Variants in C4orf51 observed in about 807,000 individuals in gnomAD.
C4orf51 encodes chromosome 4 open reading frame 51, also known as uncharacterized protein C4orf51.
C4orf51 carries 25 observed loss-of-function variants against 25.2 expected under a neutral mutation model. The observed-to-expected ratio is 0.99, with a 90% CI of 0.72 to 1.39. The LOEUF is 1.39. Among genes scored for constraint, C4orf51 ranks in the 40% most tolerant of loss-of-function variants. The pLI is 0.00. For missense variants in C4orf51, 252 were observed against 239.6 expected (o/e 1.05, Z -0.34); for synonymous variants, 100 against 84.5 (o/e 1.18, Z -1.01).
intron 2 of C4orf51, among the ~76,000 whole-genome samples, chr4:145,715,224 C>T (rs1487811331): frequency 2.6e-5 from 4 of 152,208 alleles, no homozygotes; most frequent in African/African-American, 9.7e-5. Flanking sequence ...CTGATGGACT[C>T]CCTGAAGCAG....
chr4:145,702,970 C>T (rs1459002634), intron 2 of C4orf51, among the ~76,000 whole-genome samples: 1 of 151,816 alleles, frequency 6.6e-6, no homozygotes, highest in Admixed American at 6.6e-5. Context: ...CATTCTCTCT[C>T]CATACCACCC....
rs1432741994 is a variant in C4orf51 at position 145,726,954 on chromosome 4, T to G, written c.351T>G (p.Asp117Glu). 1 of 1,613,448 alleles carries G rather than the reference T, an allele frequency of 6.2e-7. No individual in the cohort carries two copies. Among genetic ancestry groups the G allele is most frequent in the African/African-American group, 1.3e-5 (1 of 74,934 alleles). ...CCAGGCCCTTTAAAAAGTCATTTGA[T>G]GTCAAGCATGGAGTGGTAAGCCCAA... The part of the protein sequence containing the change: ...DITRPFKKSF[D>E]VKHGVAHQIW... The change falls in exon 3 of 6, where the codon GAT becomes GAG. Residue 117 changes from aspartate to glutamate, a missense_variant. Asp to Glu is a conservative substitution (Grantham distance 45). Coordinates refer to ENST00000438731, the MANE Select transcript of C4orf51 (RefSeq NM_001080531.3).
At chr4:145,702,078 T>C (rs1730486175) in intron 2 of C4orf51, among the ~76,000 whole-genome samples, 3 of 152,068 alleles carry the variant, frequency 2.0e-5, no homozygotes, top group Non-Finnish European at 2.9e-5. Flanking sequence ...TCAACGCCAA[T>C]ATCCCATCCC....
downstream of C4orf51, chr4:145,775,988 CAA>C (rs545251511): frequency 9.1e-5 from 147 of 1,613,590 alleles, no homozygotes; most frequent in African/African-American, 1.8e-3. Context: ...GGAAAAAGCC[CAA>C]ATCGCTTTCA....
chr4:145,727,000 C>G (rs777124988), intron 3 of C4orf51, 31 bp downstream of exon 3: 5 of 1,553,264 alleles, frequency 3.2e-6, no homozygotes, highest in Admixed American at 1.7e-5. Flanking sequence ...CAATCTCTTA[C>G]CTGTAGAGAG....
chr4:145,743,359 C>G (rs988660906), intron 1 of C4orf51, among the ~76,000 whole-genome samples: 3 of 152,130 alleles, frequency 2.0e-5, no homozygotes, highest in African/African-American at 7.2e-5. Flanking sequence ...GCTGCATCAT[C>G]CCATGGCAGA....
At position 145,687,035 on chromosome 4, in the gene C4orf51, G is replaced by T. The variant is rs1295473644; in HGVS notation, c.233+6599G>T. On this transcript the variant is annotated intron_variant, in intron 1 of 5. Coordinates refer to ENST00000438731, the MANE Select transcript of C4orf51 (RefSeq NM_001080531.3). ...GCGGTTTCCTTCTACCCCTTTGAAA[G>T]AAAAATAAATCTTGGGGCCCCCAAA... 2.0e-5 allele frequency among the ~76,000 whole-genome samples: 3 copies of T among 151,170 alleles called. No individual in the cohort carries two copies. The East Asian group carries it at 5.9e-4, about 30-fold the overall frequency.
chr4:145,765,069 T>A lies in C4orf51; in HGVS notation n.167-5919T>A. Reference sequence around the variant, plus strand: ...GGTCTTCATGAACTTGTGGCACACATCACACTCAAACATCCGGGTGATGAG... The same window carrying A: ...GGTCTTCATGAACTTGTGGCACACAACACACTCAAACATCCGGGTGATGAG... On this transcript the variant is annotated intron_variant and non_coding_transcript_variant, in intron 1 of 1. Coordinates refer to the C4orf51 transcript ENST00000510096. The surrounding 1 kb of genome is among the most constrained non-coding windows in gnomAD (Gnocchi z 4.7). 1 of 1,614,256 alleles carries A rather than the reference T, an allele frequency of 6.2e-7. No homozygotes were observed. The highest frequency in any genetic ancestry group is 8.5e-7 in the Non-Finnish European group (1 of 1,180,046).
At chr4:145,756,405 G>A (rs910977330), downstream of C4orf51, among the ~76,000 whole-genome samples, 19 of 152,134 alleles carry the variant, frequency 1.2e-4, no homozygotes, top group Admixed American at 2.6e-4. Context: ...TGGAGATGCC[G>A]GGGTCCACAC....
At position 145,696,586 on chromosome 4, in the gene C4orf51, T is replaced by C. The variant is rs1730076133; in HGVS notation, c.261T>C (p.Cys87=). 1 of 1,613,860 alleles carries C rather than the reference T, an allele frequency of 6.2e-7. No individual in the cohort carries two copies. Among genetic ancestry groups the C allele is most frequent in the African/African-American group, 1.3e-5 (1 of 75,048 alleles). Residue 87 remains cysteine, a synonymous_variant, in exon 2 of 6, where the codon TGT becomes TGC. Transcript: ENST00000438731. ...KQMSLTNSSA[C]HLLCWAGTQE... ...TGTCATTGACAAACAGTTCTGCCTG[T>C]CATCTTCTCTGCTGGGCTGGTACCC...
At chr4:145,766,870 G>C (rs1166286718) in intron 1 of C4orf51, among the ~76,000 whole-genome samples, 1 of 152,136 alleles carries the variant, frequency 6.6e-6, no homozygotes, top group Non-Finnish European at 1.5e-5. Context: ...GTTAAACCTA[G>C]ATAAATCACT....
chr4:145,760,728 T>G lies in C4orf51; in HGVS notation n.167-10260T>G. 1.1e-5 allele frequency: 11 copies of G among 1,024,990 alleles called. 1 individual carries two copies. Among genetic ancestry groups the G allele is most frequent in the Non-Finnish European group, 1.3e-5 (11 of 843,138 alleles). 63.5% of individuals were successfully genotyped at this position (1,024,990 alleles called of 1,614,324 possible). Reference sequence around the variant, plus strand: ...TGTGTTTAAGTTTTGTGGTTTTTTTTTTTTTTTTTGTCTTTTGTCTCTCTG... The same window carrying G: ...TGTGTTTAAGTTTTGTGGTTTTTTTGTTTTTTTTTGTCTTTTGTCTCTCTG... On this transcript the variant is annotated intron_variant and non_coding_transcript_variant, in intron 1 of 1. Transcript: ENST00000510096.
intron 2 of C4orf51, among the ~76,000 whole-genome samples, chr4:145,718,096 A>G (rs1008604747): frequency 2.6e-5 from 4 of 152,208 alleles, no homozygotes; most frequent in Non-Finnish European, 4.4e-5. Flanking sequence ...CCTAAGCTCC[A>G]TATCTGTGCC....
intron 2 of C4orf51, among the ~76,000 whole-genome samples, chr4:145,711,202 C>T (rs1488426338): frequency 1.3e-5 from 2 of 152,180 alleles, no homozygotes; most frequent in Non-Finnish European, 2.9e-5. Context: ...AGGAAAAATT[C>T]ACCACAATGC....
At chr4:145,791,156 A>G in the C4orf51 span, among the ~76,000 whole-genome samples, 1 of 152,202 alleles carries the variant, frequency 6.6e-6, no homozygotes, top group African/African-American at 2.4e-5. Flanking sequence ...TTTTTCTCAC[A>G]GTTCTGGAGG....
At chr4:145,698,866 A>T (rs963030843) in intron 2 of C4orf51, among the ~76,000 whole-genome samples, 9 of 152,198 alleles carry the variant, frequency 5.9e-5, no homozygotes, top group African/African-American at 1.9e-4. Context: ...ATCCCCTGTG[A>T]CTTGCACATA....
At chr4:145,791,475 G>A in the C4orf51 span, among the ~76,000 whole-genome samples, 1 of 152,152 alleles carries the variant, frequency 6.6e-6, no homozygotes, top group East Asian at 1.9e-4. Context: ...GGAGGAAAGG[G>A]ATTATTAGTA....
chr4:145,684,725 T>C (rs918757604), intron 1 of C4orf51, among the ~76,000 whole-genome samples: 1 of 152,122 alleles, frequency 6.6e-6, no homozygotes, highest in Non-Finnish European at 1.5e-5. Context: ...GAAATCTCTG[T>C]ATGTTCATCT....
the C4orf51 span, among the ~76,000 whole-genome samples, chr4:145,791,058 A>G: frequency 6.6e-6 from 1 of 152,350 alleles, no homozygotes; most frequent in South Asian, 2.1e-4. Context: ...GCAGGGAATC[A>G]CAGACACAGG....
Sources: allele counts gnomAD v4.1 joint callset (sites outside exome capture counted in the v4.1 genomes callset), GRCh38; gene constraint gnomAD v4.1.1; non-coding constraint Gnocchi (gnomAD v3.1); transcripts MANE v1.5; gene names NCBI Gene and HGNC (gene_info 2026-07-23, HGNC 2026-07-21).